The following EVC2 variants were observed in gnomAD, a reference collection of about 807,000 sequenced individuals.
EVC2 encodes the protein EvC ciliary complex subunit 2.
EVC2 carries 148 observed loss-of-function variants against 149.3 expected under a neutral mutation model. The observed-to-expected ratio is 0.99, with a 90% CI of 0.87 to 1.14. The LOEUF (loss-of-function observed/expected upper bound fraction) is 1.14. Among genes scored for constraint, EVC2 ranks in the 50% most tolerant of loss-of-function variants. EVC2 has a pLI of 0.00. For missense variants in EVC2, 1,854 were observed against 1,627.3 expected, an observed-to-expected ratio of 1.14 and a Z score of -2.40; for synonymous variants, 776 against 649.9, an observed-to-expected ratio of 1.19 and a Z score of -2.95.
rs373182826 is a variant in EVC2, at chr4:5,663,723, C to T, written c.1006-477G>A. Among the ~76,000 whole-genome samples, 60 of 152,204 alleles carry T rather than the reference C, an allele frequency of 3.9e-4. 1 individual carries two copies. In the Middle Eastern group the frequency reaches 0.024, roughly 60 times the overall value. ...ATCACTTGAGGTTAGGAGTTTGACA[C>T]CAGCCTGGCCAACACGGTGAAACCC... is the stretch of plus-strand genomic sequence containing the variant. On this transcript the variant is annotated intron_variant, in intron 8 of 21. Coordinates refer to ENST00000344408, the MANE Select transcript of EVC2 (RefSeq NM_147127.5).
chr4:5,570,573 G>C (rs1446789019), intron 19 of EVC2, among the ~76,000 whole-genome samples: 1 of 152,174 alleles, frequency 6.6e-6, no homozygotes, highest in South Asian at 2.1e-4. Flanking sequence ...CAACCACTAT[G>C]GAAAACAGTA....
At chr4:5,658,547 A>T (rs1005675671) in intron 9 of EVC2, among the ~76,000 whole-genome samples, 6 of 152,256 alleles carry the variant, frequency 3.9e-5, no homozygotes, top group African/African-American at 1.4e-4. Context: ...TAATGTTGGT[A>T]GCATCCAGAA....
At chr4:5,558,275 C>T (rs1031883793), downstream of EVC2, among the ~76,000 whole-genome samples, 13 of 152,240 alleles carry the variant, frequency 8.5e-5, no homozygotes, top group South Asian at 1.0e-3. Flanking sequence ...AGTTAACTGA[C>T]CTTTGACAAA....
Position 5,622,726 on chromosome 4 carries a change from A to T in EVC2, c.2312T>A (p.Leu771His). Reference protein sequence around the residue: ...QELLKRGVPWLFLQQILEEHG... With the variant: ...QELLKRGVPWHFLQQILEEHG... ...CTCCTCCAGGATCTGCTGCAGGAAG[A>T]GCCAGGGCACCCCACGCTTGAGCAG... The change falls in exon 14 of 22, where the codon CTC (leucine) becomes CAC (histidine). Residue 771 changes from leucine (L) to histidine (H), a missense_variant. Transcript: ENST00000344408. The surrounding 1 kb of genome is among the most constrained non-coding windows in gnomAD (Gnocchi z 5.8). 3.7e-5 allele frequency: 60 copies of T among 1,613,962 alleles called. No homozygotes were observed. The highest frequency in any genetic ancestry group is 5.0e-5 in the Non-Finnish European group (59 of 1,180,010).
rs761936309 is a variant in EVC2, at chr4:5,585,496, C to A, written c.2830-646G>T. Among the ~76,000 whole-genome samples, 15 of 152,296 alleles carry A rather than the reference C, an allele frequency of 9.8e-5. No homozygotes were observed. In the Middle Eastern group the frequency reaches 0.01, roughly 104 times the overall value. On this transcript the variant is annotated intron_variant, in intron 16 of 21. Transcript: ENST00000344408. ...TGCCCAGGGTTTACTTGACCTCAGG[C>A]AAATCATTAAGCTCTGCATGCCTAC... is the stretch of plus-strand genomic sequence containing the variant.
intron 10 of EVC2, among the ~76,000 whole-genome samples, chr4:5,639,137 G>A (rs899935350): frequency 1.3e-5 from 2 of 152,082 alleles, no homozygotes; most frequent in African/African-American, 4.8e-5. Context: ...GACCATCTGT[G>A]AGTCACGAGT....
Position 5,576,602 on chromosome 4 carries a change from G to A in EVC2, c.3058-148C>T. ...ATCCAGCTGTGCCACATGGTGCAAT[G>A]TGAGTGCACCACGATCTCTCACCCC... On this transcript the variant is annotated intron_variant, in intron 17 of 21. Coordinates refer to ENST00000344408, the MANE Select transcript of EVC2 (RefSeq NM_147127.5). The surrounding 1 kb of genome is among the most constrained non-coding windows in gnomAD (Gnocchi z 4.5). 1 of 1,398,138 alleles carries A rather than the reference G, an allele frequency of 7.2e-7. No homozygotes were observed. The highest frequency in any genetic ancestry group is 9.7e-7 in the Non-Finnish European group (1 of 1,026,426). The allele number at this position is 1,398,138 out of a possible 1,614,324, so 86.6% of individuals were successfully genotyped here.
At chr4:5,659,406 A>G (rs1205155420) in intron 9 of EVC2, among the ~76,000 whole-genome samples, 38 of 96,224 alleles carry the variant, frequency 3.9e-4, no homozygotes, top group African/African-American at 1.6e-3. Context: ...GCTATAATTG[A>G]AAAAAAAAAA....
At chr4:5,692,732 T>C (rs936596145) in intron 3 of EVC2, among the ~76,000 whole-genome samples, 2 of 150,202 alleles carry the variant, frequency 1.3e-5, no homozygotes, top group African/African-American at 4.9e-5. Context: ...CCGGGCGCGG[T>C]GGCGGGCGCC....
In EVC2 at chr4:5,622,903, C is replaced by A; in HGVS notation, c.2135G>T (p.Ser712Ile). The A allele has an allele frequency of 6.2e-7, 1 of 1,614,176 alleles. No individual in the cohort carries two copies. The highest frequency in any genetic ancestry group is 8.5e-7 in the Non-Finnish European group (1 of 1,180,046). ...DAGQYLHQKRSLMEEHGATLE... is the reference protein window; with the variant it reads ...DAGQYLHQKRILMEEHGATLE... ...GGTGGCACCGTGCTCCTCCATCAGG[C>A]TCCTCTTCTGGTGCAGGTACTGGCC... Residue 712 changes from serine to isoleucine, a missense_variant, in exon 14 of 22, where the codon AGC becomes ATC. Physicochemically the swap from Ser to Ile is moderately radical, Grantham distance 142. Coordinates refer to ENST00000344408, the MANE Select transcript of EVC2 (RefSeq NM_147127.5). This position sits in a 1 kb window ranked among gnomAD's most constrained non-coding sequence, Gnocchi z 5.8.
chr4:5,541,854 G>C (rs906525446), downstream of EVC2, among the ~76,000 whole-genome samples: 2 of 152,188 alleles, frequency 1.3e-5, no homozygotes, highest in African/African-American at 4.8e-5. Flanking sequence ...GTGGAGAACA[G>C]GACACAGTCC....
chr4:5,660,268 T>A (rs960298277), intron 9 of EVC2, among the ~76,000 whole-genome samples: 3 of 152,186 alleles, frequency 2.0e-5, no homozygotes, highest in Admixed American at 1.3e-4. Flanking sequence ...GCCCTGCACT[T>A]ACGAGGCTCC....
At chr4:5,698,075 G>C (rs1362172279) in intron 1 of EVC2, among the ~76,000 whole-genome samples, 1 of 152,140 alleles carries the variant, frequency 6.6e-6, no homozygotes, top group Non-Finnish European at 1.5e-5. Context: ...TCATCCAGAA[G>C]TGTGAAGTAA....
Position 5,593,148 on chromosome 4 carries a change from T to C in EVC2, c.2830-8298A>G, listed in dbSNP as rs58516138. Among the ~76,000 whole-genome samples, 329 of 152,288 alleles carry C rather than the reference T, an allele frequency of 2.2e-3. 2 individuals are homozygous for C. Among genetic ancestry groups the C allele is most frequent in the African/African-American group, 7.5e-3 (310 of 41,554 alleles). ...CCAGCCCTGCAGAACCGTGAATCAATTAAACCTCTTTCCATTATAAATCAC... is the reference window on the plus strand; with the variant it reads ...CCAGCCCTGCAGAACCGTGAATCAACTAAACCTCTTTCCATTATAAATCAC... On this transcript the variant is annotated intron_variant, in intron 16 of 21. Coordinates refer to ENST00000344408, the MANE Select transcript of EVC2 (RefSeq NM_147127.5).
In EVC2 at chr4:5,696,586, G is replaced by A. The variant is rs946074018; in HGVS notation, c.283+1007C>T. 2.0e-5 allele frequency among the ~76,000 whole-genome samples: 3 copies of A among 152,176 alleles called. No individual in the cohort carries two copies. Among genetic ancestry groups the A allele is most frequent in the African/African-American group, 4.8e-5 (2 of 41,438 alleles). On this transcript the variant is annotated intron_variant, in intron 2 of 21. Transcript: ENST00000344408. This position sits in a 1 kb window ranked among gnomAD's most constrained non-coding sequence, Gnocchi z 4.1. ...GAGGCTCAGGAGCCAGGGACTGCCCGCGGCATTTTTCCCACCATGGGGAAA... is the reference window on the plus strand; with the variant it reads ...GAGGCTCAGGAGCCAGGGACTGCCCACGGCATTTTTCCCACCATGGGGAAA...
At chr4:5,593,651 T>C (rs988555671) in intron 16 of EVC2, among the ~76,000 whole-genome samples, 3 of 152,024 alleles carry the variant, frequency 2.0e-5, no homozygotes, top group African/African-American at 7.2e-5. Context: ...ACGCACAAGA[T>C]GGGTGATTTC....
chr4:5,673,560 G>A (rs529508057), intron 7 of EVC2, among the ~76,000 whole-genome samples: 5 of 59,622 alleles, frequency 8.4e-5, no homozygotes, highest in South Asian at 3.5e-4. Context: ...TGGTTATCCC[G>A]GCTTCCCCCC....
At chr4:5,638,055 G>C (rs1717010750) in intron 10 of EVC2, among the ~76,000 whole-genome samples, 1 of 152,104 alleles carries the variant, frequency 6.6e-6, no homozygotes, top group South Asian at 2.1e-4. Context: ...TTAAGGTACT[G>C]TCGAAGCCTC....
intron 19 of EVC2, among the ~76,000 whole-genome samples, chr4:5,570,113 CT>C (rs1164263725): frequency 3.9e-5 from 6 of 152,202 alleles, no homozygotes; most frequent in Non-Finnish European, 7.3e-5. Flanking sequence ...ACCAACTCTG[CT>C]GTAACTGTCC....
Sources: allele counts gnomAD v4.1 joint callset (sites outside exome capture counted in the v4.1 genomes callset), GRCh38; gene constraint gnomAD v4.1.1; non-coding constraint Gnocchi (gnomAD v3.1); transcripts MANE v1.5; gene names NCBI Gene and HGNC (gene_info 2026-07-23, HGNC 2026-07-21).